EGFR: variants seen among roughly 807,000 people sequenced by gnomAD.
EGFR encodes epidermal growth factor receptor.
In EGFR, 58 loss-of-function variants were observed where a neutral mutation model predicts 143.0. The ratio of observed to expected loss-of-function variants is 0.41; its 90% CI spans 0.33 to 0.50. The LOEUF (loss-of-function observed/expected upper bound fraction) is 0.50. EGFR is among the 20% of genes least tolerant of loss of function. The probability of loss-of-function intolerance (pLI) is 0.39; values close to 1 mark genes in which losing one functional copy is unlikely to be tolerated. For missense variants in EGFR, 1,307 were observed against 1,579.0 expected (o/e 0.83, Z 2.92); for synonymous variants, 613 against 594.4 (o/e 1.03, Z -0.45).
At chr7:55,109,934 C>T in intron 1 of EGFR, 1 of 985,390 alleles carries the variant, frequency 1.0e-6, no homozygotes, top group Non-Finnish European at 1.2e-6. Context: ...CCTCTCCGCG[C>T]TGAGAAGGTT....
chr7:55,061,647 T>TGAGAGAGAGA (rs760516597), intron 1 of EGFR, among the ~76,000 whole-genome samples: 19 of 99,696 alleles, frequency 1.9e-4, no homozygotes, highest in Admixed American at 5.6e-4. Context: ...TGTGTGTGTG[T>TGAGAGAGAGA]GTGAGAGAGA....
intron 1 of EGFR, 62 bp downstream of exon 1, chr7:55,019,427 C>G: frequency 9.1e-7 from 1 of 1,095,408 alleles, no homozygotes. Context: ...CCCCGCAGCC[C>G]GCCCAACCGC....
rs2128975451 is a variant in EGFR at position 55,205,467 on chromosome 7, C to T, written c.3483C>T (p.Gly1161=). The T allele has an allele frequency of 6.2e-7, 1 of 1,614,190 alleles. No homozygotes were observed. Among genetic ancestry groups the T allele is most frequent in the East Asian group, 2.2e-5 (1 of 44,882 alleles). ...GCCCTGCCCACTGGGCCCAGAAAGG[C>T]AGCCACCAAATTAGCCTGGACAACC... is the stretch of plus-strand genomic sequence containing the variant. ...FDSPAHWAQK[G]SHQISLDNPD... The change falls in exon 28 of 28, where the codon GGC becomes GGT. Residue 1161 remains glycine (G), a synonymous_variant. Coordinates refer to ENST00000275493, the MANE Select transcript of EGFR (RefSeq NM_005228.5).
intron 20 of EGFR, among the ~76,000 whole-genome samples, chr7:55,185,157 GA>G (rs200773937): frequency 6.6e-6 from 1 of 151,664 alleles, no homozygotes; most frequent in East Asian, 1.9e-4. Context: ...AAGGAAAAAG[GA>G]AAAAAAACAG....
intron 1 of EGFR, among the ~76,000 whole-genome samples, chr7:55,119,784 G>T (rs1345377247): frequency 6.6e-6 from 1 of 152,128 alleles, no homozygotes; most frequent in African/African-American, 2.4e-5. Flanking sequence ...TGTCTTGAAA[G>T]GTCCTTCTAT....
intron 17 of EGFR, among the ~76,000 whole-genome samples, chr7:55,173,487 G>C (rs912179227): frequency 3.3e-5 from 5 of 152,206 alleles, no homozygotes; most frequent in Non-Finnish European, 7.3e-5. Flanking sequence ...CCACACAGTG[G>C]CTTTGTCCAT....
intron 1 of EGFR, among the ~76,000 whole-genome samples, chr7:55,141,557 G>A (rs1251158582): frequency 6.6e-6 from 1 of 152,198 alleles, no homozygotes; most frequent in Non-Finnish European, 1.5e-5. Flanking sequence ...CTAGCTGAGA[G>A]TGTTTTTAAA....
intron 7 of EGFR, 23 bp downstream of exon 7, chr7:55,154,175 T>C (rs2128935257): frequency 6.2e-7 from 1 of 1,614,178 alleles, no homozygotes; most frequent in Non-Finnish European, 8.5e-7. Context: ...CTGTGGGCCC[T>C]CTAACTGGTC....
intron 7 of EGFR, among the ~76,000 whole-genome samples, chr7:55,155,226 G>A (rs909966702): frequency 3.3e-5 from 5 of 152,226 alleles, no homozygotes; most frequent in African/African-American, 1.2e-4. Flanking sequence ...TGGATTGTCT[G>A]AGGTCAGGAG....
rs2128968593 is a variant in EGFR at position 55,198,706 on chromosome 7, C to T, written c.2702-11C>T. On this transcript the variant is annotated splice_polypyrimidine_tract_variant and intron_variant, in intron 22 of 27. Coordinates refer to ENST00000275493, the MANE Select transcript of EGFR (RefSeq NM_005228.5). ...ATCCCACTGCCTTCTTTTCTTGCTTCATCCTCTCAGGGGTGACTGTTTGGG... is the reference window on the plus strand; with the variant it reads ...ATCCCACTGCCTTCTTTTCTTGCTTTATCCTCTCAGGGGTGACTGTTTGGG... The T allele has an allele frequency of 6.2e-7, 1 of 1,614,220 alleles. No individual in the cohort carries two copies. Among genetic ancestry groups the T allele is most frequent in the Non-Finnish European group, 8.5e-7 (1 of 1,180,032 alleles).
chr7:55,048,338 CTTACAGAG>C (rs1483398074), intron 1 of EGFR, among the ~76,000 whole-genome samples: 1 of 152,172 alleles, frequency 6.6e-6, no homozygotes. Flanking sequence ...CTTACTGATT[CTTACAGAG>C]TTACAAGCGC....
intron 1 of EGFR, among the ~76,000 whole-genome samples, chr7:55,130,280 A>G (rs1378253894): frequency 6.6e-6 from 1 of 152,198 alleles, no homozygotes; most frequent in Non-Finnish European, 1.5e-5. Flanking sequence ...TGGTCTGTTA[A>G]TTAGCAGCTC....
intron 15 of EGFR, among the ~76,000 whole-genome samples, chr7:55,166,642 T>A (rs978717460): frequency 6.7e-6 from 1 of 149,516 alleles, no homozygotes; most frequent in African/African-American, 2.5e-5. Flanking sequence ...GGAGTCACAG[T>A]GGTGGTGGTG....
At chr7:55,030,838 T>A (rs2128862928) in intron 1 of EGFR, among the ~76,000 whole-genome samples, 1 of 152,350 alleles carries the variant, frequency 6.6e-6, no homozygotes. Context: ...AAGCATTGGC[T>A]TTTAAGAAGA....
intron 1 of EGFR, among the ~76,000 whole-genome samples, chr7:55,062,936 C>T (rs1162588994): frequency 6.6e-6 from 1 of 151,998 alleles, no homozygotes; most frequent in Non-Finnish European, 1.5e-5. Flanking sequence ...TATTTCAGTG[C>T]TTGAAATTGG....
chr7:55,140,883 G>A (rs528801882), intron 1 of EGFR, among the ~76,000 whole-genome samples: 16 of 152,338 alleles, frequency 1.1e-4, no homozygotes, highest in Admixed American at 8.5e-4. Flanking sequence ...CATGTTTAAT[G>A]TTTGTGTAAG....
chr7:55,174,312 G>A (rs1786493478), intron 18 of EGFR, among the ~76,000 whole-genome samples: 2 of 152,228 alleles, frequency 1.3e-5, no homozygotes, highest in South Asian at 4.1e-4. Flanking sequence ...GCAGCACAGG[G>A]CGGGAGGAGG....
rs113129795 is a variant in EGFR at position 55,123,280 on chromosome 7, G to A, written c.89-19006G>A. Among the ~76,000 whole-genome samples the A allele has an allele frequency of 4.9e-4, 74 of 152,224 alleles. 1 individual carries two copies. Among genetic ancestry groups the A allele is most frequent in the African/African-American group, 1.6e-3 (68 of 41,534 alleles). Reference sequence around the variant, plus strand: ...ACTCAAGGTATTGTGGTGATATTGCGGTCAAAGCCAGGTGATTAAAGAGTC... The same window carrying A: ...ACTCAAGGTATTGTGGTGATATTGCAGTCAAAGCCAGGTGATTAAAGAGTC... On this transcript the variant is annotated intron_variant, in intron 1 of 27. Transcript: ENST00000275493.
chr7:55,164,314 G>A (rs1311218846), intron 14 of EGFR, among the ~76,000 whole-genome samples: 2 of 152,064 alleles, frequency 1.3e-5, no homozygotes, highest in Admixed American at 1.3e-4. Context: ...GAGAATTCGG[G>A]CCCCTCTCAC....
Sources: allele counts gnomAD v4.1 joint callset (sites outside exome capture counted in the v4.1 genomes callset), GRCh38; gene constraint gnomAD v4.1.1; transcripts MANE v1.5; gene names NCBI Gene and HGNC (gene_info 2026-07-23, HGNC 2026-07-21).